AKAP7: variants seen among roughly 807,000 people sequenced by gnomAD.
AKAP7 encodes the protein A kinase (PRKA) anchor protein 7.
A neutral mutation model predicts 39.5 loss-of-function variants in AKAP7; 39 were observed. That is an observed-to-expected ratio of 0.99 (90% CI 0.76 to 1.29). The LOEUF (loss-of-function observed/expected upper bound fraction) is 1.29, where lower values mean the gene tolerates loss of function less well. AKAP7 is among the 50% of genes most tolerant of loss of function. AKAP7 has a pLI of 0.00. For missense variants in AKAP7, 414 were observed against 407.7 expected (o/e 1.02, Z -0.13); for synonymous variants, 140 against 139.1 (o/e 1.01, Z -0.05).
At chr6:131,223,664 G>C (rs1809899589) in intron 7 of AKAP7, among the ~76,000 whole-genome samples, 1 of 152,152 alleles carries the variant, frequency 6.6e-6, no homozygotes, top group South Asian at 2.1e-4. Context: ...ATTTTGGCCA[G>C]CTTCCCCTAT....
the AKAP7 span, among the ~76,000 whole-genome samples, chr6:131,127,242 C>A: frequency 2.6e-4 from 39 of 152,014 alleles, 1 homozygote; most frequent in East Asian, 6.8e-3. Context: ...GAGATGTTGG[C>A]CAGGCTGGTC....
At chr6:131,126,463 CA>C in the AKAP7 span, among the ~76,000 whole-genome samples, 1 of 152,150 alleles carries the variant, frequency 6.6e-6, no homozygotes, top group Admixed American at 6.5e-5. Flanking sequence ...AAACAACAGC[CA>C]AAAGGCCTTC....
chr6:131,208,761 C>T (rs1455118143), intron 6 of AKAP7, among the ~76,000 whole-genome samples: 1 of 152,062 alleles, frequency 6.6e-6, no homozygotes. Flanking sequence ...TTTTTTCCCC[C>T]CATGTTAATG....
intron 5 of AKAP7, among the ~76,000 whole-genome samples, chr6:131,172,580 A>C (rs1804176529): frequency 6.6e-6 from 1 of 152,156 alleles, no homozygotes; most frequent in Admixed American, 6.5e-5. Flanking sequence ...GTCCCACCTT[A>C]GCCTCATAAA....
intron 7 of AKAP7, among the ~76,000 whole-genome samples, chr6:131,279,069 A>C (rs1367620683): frequency 1.3e-5 from 2 of 152,226 alleles, no homozygotes; most frequent in African/African-American, 4.8e-5. Context: ...GAGATGTATT[A>C]GAAATAATAA....
intron 7 of AKAP7, among the ~76,000 whole-genome samples, chr6:131,237,612 A>C (rs142066212): frequency 1.3e-5 from 2 of 151,346 alleles, no homozygotes; most frequent in East Asian, 1.9e-4. Context: ...CAGAGATTCA[A>C]CTTCTTCCTG....
chr6:131,245,934 A>G (rs1021070909), intron 7 of AKAP7, among the ~76,000 whole-genome samples: 9 of 152,142 alleles, frequency 5.9e-5, no homozygotes, highest in African/African-American at 1.9e-4. Context: ...TCAGACTCAA[A>G]TTTCCTTTAA....
At chr6:131,218,046 T>C (rs951592296) in intron 6 of AKAP7, among the ~76,000 whole-genome samples, 1 of 152,294 alleles carries the variant, frequency 6.6e-6, no homozygotes. Context: ...TGTGTGTATG[T>C]GTGTGTTTCT....
intron 7 of AKAP7, among the ~76,000 whole-genome samples, chr6:131,224,915 T>G (rs1411012276): frequency 6.6e-6 from 1 of 151,278 alleles, no homozygotes; most frequent in Non-Finnish European, 1.5e-5. Flanking sequence ...CATGCCCGGC[T>G]AATTTTTTTT....
intron 7 of AKAP7, among the ~76,000 whole-genome samples, chr6:131,232,316 A>G (rs1362089162): frequency 2.6e-5 from 4 of 152,220 alleles, no homozygotes; most frequent in African/African-American, 9.7e-5. Flanking sequence ...CTGAATTCCA[A>G]ATAAACAGGA....
rs1256195384 is a variant in AKAP7 at position 131,135,762 on chromosome 6, C to T, written c.-2C>T. The T allele has an allele frequency of 4.1e-6, 5 of 1,229,254 alleles. No individual in the cohort carries two copies. Among genetic ancestry groups the T allele is most frequent in the Non-Finnish European group, 5.1e-6 (5 of 987,870 alleles). The allele number at this position is 1,229,254 out of a possible 1,614,324, so 76.1% of individuals were successfully genotyped here. On this transcript the variant is annotated 5_prime_UTR_variant, in exon 1 of 8. Coordinates refer to ENST00000431975, the MANE Select transcript of AKAP7 (RefSeq NM_016377.4). Reference sequence around the variant, plus strand: ...GACGCGCCGCCCGCATGCGCCGCGACCATGGAGCGCCCCGAAGCGGGTGAG... The same window carrying T: ...GACGCGCCGCCCGCATGCGCCGCGATCATGGAGCGCCCCGAAGCGGGTGAG...
intron 5 of AKAP7, among the ~76,000 whole-genome samples, chr6:131,195,712 A>G (rs1227573343): frequency 6.6e-6 from 1 of 152,176 alleles, no homozygotes; most frequent in Non-Finnish European, 1.5e-5. Flanking sequence ...TTTATCAGAT[A>G]TACTATGCTA....
chr6:131,212,855 C>G (rs1365065081), intron 6 of AKAP7, among the ~76,000 whole-genome samples: 1 of 152,040 alleles, frequency 6.6e-6, no homozygotes, highest in East Asian at 1.9e-4. Flanking sequence ...TAGAAAGTAC[C>G]AGGTACATGG....
At chr6:131,195,722 AG>A (rs1268475199) in intron 5 of AKAP7, among the ~76,000 whole-genome samples, 2 of 152,124 alleles carry the variant, frequency 1.3e-5, no homozygotes, top group Admixed American at 6.6e-5. Context: ...ATACTATGCT[AG>A]GGTAAAAGAT....
At chr6:131,268,637 T>C (rs1814013324) in intron 7 of AKAP7, among the ~76,000 whole-genome samples, 1 of 152,212 alleles carries the variant, frequency 6.6e-6, no homozygotes, top group Non-Finnish European at 1.5e-5. Flanking sequence ...GCAACATTTA[T>C]TCTGCCGACG....
chr6:131,276,060 G>A (rs1189217356), intron 7 of AKAP7, among the ~76,000 whole-genome samples: 6 of 152,192 alleles, frequency 3.9e-5, no homozygotes, highest in Non-Finnish European at 7.3e-5. Flanking sequence ...GGAGTTGGGT[G>A]GAGGGACATA....
chr6:131,160,036 A>G, intron 2 of AKAP7, 23 bp from the exon 3 acceptor site: 2 of 1,561,216 alleles, frequency 1.3e-6, no homozygotes, highest in Non-Finnish European at 1.7e-6. Context: ...TATTAGACGT[A>G]TTGTTTGACT....
intron 6 of AKAP7, among the ~76,000 whole-genome samples, chr6:131,205,583 TG>T (rs1324125891): frequency 6.6e-6 from 1 of 152,204 alleles, no homozygotes; most frequent in East Asian, 1.9e-4. Flanking sequence ...CTCTCTCAAA[TG>T]TCCTGATGTG....
intron 1 of AKAP7, among the ~76,000 whole-genome samples, chr6:131,144,631 AG>A (rs1801332283): frequency 6.6e-6 from 1 of 152,194 alleles, no homozygotes; most frequent in African/African-American, 2.4e-5. Flanking sequence ...CCTCCACCCA[AG>A]GTATATGATT....
Sources: gnomAD v4.1 joint callset for allele counts (sites outside exome capture counted in the v4.1 genomes callset) on GRCh38, gnomAD v4.1.1 for gene constraint, MANE v1.5 for transcripts, NCBI Gene and HGNC (gene_info 2026-07-23, HGNC 2026-07-21) for gene names.